The following DESI2 variants were observed in gnomAD, a reference collection of about 807,000 sequenced individuals.
The protein encoded by DESI2 is desumoylating isopeptidase 2, also known as deubiquitinase DESI2.
Under a neutral mutation model 24.1 loss-of-function variants are expected in DESI2, and 10 were observed. That is an observed-to-expected ratio of 0.41 (90% CI 0.26 to 0.70). The LOEUF is 0.70. Ranked by LOEUF, DESI2 falls within the 30% of genes least tolerant of loss-of-function variation. The probability of loss-of-function intolerance (pLI) is 0.29; values close to 1 mark genes in which losing one functional copy is unlikely to be tolerated. For missense variants in DESI2, 122 were observed against 234.9 expected (o/e 0.52, Z 3.14); for synonymous variants, 71 against 87.7 (o/e 0.81, Z 1.06).
At chr1:244,697,174 A>T (rs1204986713) in intron 4 of DESI2, among the ~76,000 whole-genome samples, 1 of 152,132 alleles carries the variant, frequency 6.6e-6, no homozygotes, top group Non-Finnish European at 1.5e-5. Flanking sequence ...CAAATCACCA[A>T]AACGGGGCGG....
At chr1:244,694,707 G>C (rs1049347404) in intron 4 of DESI2, 2 of 714,278 alleles carry the variant, frequency 2.8e-6, no homozygotes, top group Non-Finnish European at 5.1e-6. Flanking sequence ...AAACGATGAT[G>C]TTGCCTTCGT....
chr1:244,705,490 T>C, intron 4 of DESI2, 66 bp from the exon 5 acceptor site: 2 of 1,243,612 alleles, frequency 1.6e-6, no homozygotes, highest in Non-Finnish European at 2.3e-6. Flanking sequence ...CACCCTCCAC[T>C]CCCTGGCAGT....
intron 3 of DESI2, among the ~76,000 whole-genome samples, chr1:244,690,381 T>A (rs1676980984): frequency 6.6e-6 from 1 of 152,080 alleles, no homozygotes; most frequent in Non-Finnish European, 1.5e-5. Flanking sequence ...AATAATAAAA[T>A]TTTCATTCCT....
At chr1:244,684,376 C>G (rs1573210331) in intron 1 of DESI2, among the ~76,000 whole-genome samples, 1 of 152,294 alleles carries the variant, frequency 6.6e-6, no homozygotes, top group East Asian at 1.9e-4. Flanking sequence ...GTGTACTCCT[C>G]TCGGCCAAAT....
At chr1:244,658,345 C>A (rs572722301) in intron 1 of DESI2, among the ~76,000 whole-genome samples, 1 of 152,310 alleles carries the variant, frequency 6.6e-6, no homozygotes, top group South Asian at 2.1e-4. Context: ...TATATCACAT[C>A]CCCATATCTT....
At chr1:244,700,803 C>G (rs185496662) in intron 4 of DESI2, among the ~76,000 whole-genome samples, 13 of 152,322 alleles carry the variant, frequency 8.5e-5, no homozygotes, top group African/African-American at 2.6e-4. Context: ...TTTTACTCCT[C>G]TATACCTAAA....
chr1:244,701,212 T>TCCCCC (rs1677442100), intron 4 of DESI2, among the ~76,000 whole-genome samples: 6 of 57,718 alleles, frequency 1.0e-4, no homozygotes, highest in African/African-American at 1.2e-4. Context: ...CACCTTCCCC[T>TCCCCC]CCACCCCCCC....
chr1:244,705,087 T>C (rs1677642229), intron 4 of DESI2, among the ~76,000 whole-genome samples: 1 of 152,092 alleles, frequency 6.6e-6, no homozygotes, highest in Non-Finnish European at 1.5e-5. Context: ...AATGGAGTGA[T>C]AGACACTGGA....
chr1:244,687,932 G>T (rs1676879751), intron 2 of DESI2, among the ~76,000 whole-genome samples: 1 of 152,176 alleles, frequency 6.6e-6, no homozygotes, highest in Non-Finnish European at 1.5e-5. Context: ...TGATCATGGT[G>T]GGTTAGGTAA....
At chr1:244,655,100 G>C (rs2148776066) in intron 1 of DESI2, among the ~76,000 whole-genome samples, 1 of 152,278 alleles carries the variant, frequency 6.6e-6, no homozygotes, top group African/African-American at 2.4e-5. Flanking sequence ...TGGTCGATTG[G>C]GAAAAGCTAG....
chr1:244,694,779 CTTAT>C (rs748436207), intron 4 of DESI2: 13 of 565,210 alleles, frequency 2.3e-5, no homozygotes, highest in African/African-American at 3.8e-5. Flanking sequence ...CACAGCCATG[CTTAT>C]TTGTTTACCT....
At chr1:244,673,991 T>C (rs1330287787) in intron 1 of DESI2, among the ~76,000 whole-genome samples, 1 of 750 alleles carries the variant, frequency 1.3e-3, no homozygotes, top group Non-Finnish European at 0.026. Flanking sequence ...TTCTGTCTCT[T>C]TTTTTTTTTT....
rs1456401495 is a variant in DESI2, at chr1:244,703,077, C to T, written c.352-2479C>T. 2.0e-5 allele frequency among the ~76,000 whole-genome samples: 3 copies of T among 148,440 alleles called. No individual in the cohort carries two copies. In the East Asian group the frequency reaches 6.1e-4, roughly 30 times the overall value. On this transcript the variant is annotated intron_variant, in intron 4 of 4. Transcript: ENST00000302550. The stretch of plus-strand genomic sequence containing the variant: ...AGTGCAGTGGCACGATCTCAGCTCA[C>T]TGCCACCTCTGCCTCCTGGGTTCAA...
At chr1:244,660,457 C>T (rs943859766) in intron 1 of DESI2, among the ~76,000 whole-genome samples, 2 of 152,214 alleles carry the variant, frequency 1.3e-5, no homozygotes, top group African/African-American at 4.8e-5. Flanking sequence ...TGAGCCACCG[C>T]ACCCGGTCGG....
chr1:244,675,781 A>G (rs1004029894), intron 1 of DESI2, among the ~76,000 whole-genome samples: 7 of 152,142 alleles, frequency 4.6e-5, no homozygotes, highest in Non-Finnish European at 1.0e-4. Flanking sequence ...TGAATTTTTA[A>G]ATTTGTCAAT....
chr1:244,656,881 T>G (rs1474854139), intron 1 of DESI2, among the ~76,000 whole-genome samples: 1 of 152,202 alleles, frequency 6.6e-6, no homozygotes, highest in South Asian at 2.1e-4. Flanking sequence ...TTCAAGTGAT[T>G]CTCCCGCCTC....
intron 1 of DESI2, among the ~76,000 whole-genome samples, chr1:244,659,192 G>A (rs769795924): frequency 2.0e-5 from 3 of 151,578 alleles, no homozygotes; most frequent in Non-Finnish European, 4.4e-5. Context: ...CTTTTTTAGG[G>A]GGGAAGGGGG....
chr1:244,690,815 G>C (rs1461756099), intron 3 of DESI2, among the ~76,000 whole-genome samples: 1 of 152,074 alleles, frequency 6.6e-6, no homozygotes, highest in Non-Finnish European at 1.5e-5. Flanking sequence ...AGTGAAATGA[G>C]GTTCCAACAT....
In DESI2 at chr1:244,708,011, T is replaced by C. The variant is rs1047414292; in HGVS notation, c.*2222T>C. 2.0e-5 allele frequency: 3 copies of C among 152,208 alleles called. No individual in the cohort carries two copies. Among genetic ancestry groups the C allele is most frequent in the African/African-American group, 7.2e-5 (3 of 41,452 alleles). 9.4% of individuals were successfully genotyped at this position (152,208 alleles called of 1,614,324 possible). ...TATACCTGAGGTTGAGCAAGAAATG[T>C]CTTCCTTTAGAAAATCTCATTCAAG... On this transcript the variant is annotated 3_prime_UTR_variant, in exon 5 of 5. Transcript: ENST00000302550.
Sources: gnomAD v4.1 joint callset for allele counts (sites outside exome capture counted in the v4.1 genomes callset) on GRCh38, gnomAD v4.1.1 for gene constraint, MANE v1.5 for transcripts, NCBI Gene and HGNC (gene_info 2026-07-23, HGNC 2026-07-21) for gene names.